CDCP2: variants seen among roughly 807,000 people sequenced by gnomAD.
The protein encoded by CDCP2 is CUB domain containing protein 2.
CDCP2 carries 31 observed loss-of-function variants against 31.0 expected under a neutral mutation model. The ratio of observed to expected loss-of-function variants is 1.00; its 90% CI spans 0.75 to 1.35. The LOEUF is 1.35. Among genes scored for constraint, CDCP2 ranks in the 40% most tolerant of loss-of-function variants. The pLI, the probability that CDCP2 is intolerant of heterozygous loss-of-function variation, is 0.00. For missense variants in CDCP2, 443 were observed against 482.6 expected (o/e 0.92, Z 0.77); for synonymous variants, 206 against 207.9 (o/e 0.99, Z 0.08).
At chr1:54,146,181 ATTT>A (rs11314265) in intron 1 of CDCP2, among the ~76,000 whole-genome samples, 18 of 145,298 alleles carry the variant, frequency 1.2e-4, no homozygotes, top group Non-Finnish European at 1.4e-4. Context: ...GGTAAGTATA[ATTT>A]TTTTTTTTTT....
At chr1:54,132,734 A>G, downstream of CDCP2, 1 of 386,148 alleles carries the variant, frequency 2.6e-6, no homozygotes, top group Non-Finnish European at 4.6e-6. Context: ...AATTGCATAT[A>G]CATACACAGC....
At chr1:54,141,944 C>T (rs677732) in intron 2 of CDCP2, 127,029 of 153,382 alleles carry the variant, frequency 0.83, 52,687 homozygotes, top group East Asian at 0.88. Flanking sequence ...GCGGCATTTA[C>T]ATGCCAACTC....
At chr1:54,132,988 C>T (rs141725205) in exon 6 of CDCP2, 66 of 399,010 alleles carry the variant, frequency 1.7e-4, no homozygotes, top group African/African-American at 1.1e-3. Flanking sequence ...ATCAAGACCA[C>T]GATGGCAATA....
At chr1:54,133,392 G>C (rs1056158784) in intron 5 of CDCP2, 98 bp from the exon 6 acceptor site, 1 of 397,862 alleles carries the variant, frequency 2.5e-6, no homozygotes, top group Non-Finnish European at 4.4e-6. Flanking sequence ...GGCAGAGCCC[G>C]AGGAGCCTGT....
intron 1 of CDCP2, among the ~76,000 whole-genome samples, chr1:54,145,575 T>G (rs909288666): frequency 1.3e-4 from 20 of 152,310 alleles, no homozygotes; most frequent in African/African-American, 4.8e-4. Flanking sequence ...GTAGGGAATT[T>G]AAGTTAATTA....
intron 2 of CDCP2, 76 bp from the exon 3 acceptor site, chr1:54,141,509 T>C: frequency 7.9e-7 from 1 of 1,260,286 alleles, no homozygotes; most frequent in Non-Finnish European, 1.1e-6. Context: ...AACAAGACAC[T>C]CCAACATGCT....
chr1:54,148,755 G>A (rs1659519096), intron 1 of CDCP2, among the ~76,000 whole-genome samples: 1 of 150,886 alleles, frequency 6.6e-6, no homozygotes, highest in Non-Finnish European at 1.5e-5. Context: ...TCAAGGCCGG[G>A]TGCCATGGCT....
intron 5 of CDCP2, among the ~76,000 whole-genome samples, chr1:54,133,724 A>C (rs529555589): frequency 3.3e-5 from 5 of 152,026 alleles, no homozygotes; most frequent in Non-Finnish European, 5.9e-5. Context: ...ATGAAACCCC[A>C]TCTCTACTAA....
intron 3 of CDCP2, 44 bp downstream of exon 3, chr1:54,141,054 A>C: frequency 6.8e-7 from 1 of 1,478,268 alleles, no homozygotes; most frequent in Non-Finnish European, 9.1e-7. Context: ...ACAGGAGCCC[A>C]GTAGGCACAG....
At chr1:54,140,365 G>T in intron 3 of CDCP2, 1 of 546,182 alleles carries the variant, frequency 1.8e-6, no homozygotes, top group East Asian at 3.2e-5. Context: ...ACAGGTGTAG[G>T]CCCTGTTAGG....
At chr1:54,138,564 C>T (rs903541535) in intron 4 of CDCP2, 6 of 152,284 alleles carry the variant, frequency 3.9e-5, no homozygotes, top group East Asian at 1.9e-4. Flanking sequence ...GTCCTTGGAT[C>T]CAGGCATTGT....
rs112028456 is a variant in CDCP2 at position 54,140,086 on chromosome 1, T to C, written c.784A>G (p.Met262Val). 9.9e-6 allele frequency: 16 copies of C among 1,613,184 alleles called. No individual in the cohort carries two copies. In the East Asian group the frequency reaches 3.6e-4, roughly 36 times the overall value. ...CTGGAGAAGTTGCCCCGCATGGCCA[T>C]GTATACCTCCTGGCATTCTCCTGGA... Residue 262 changes from methionine to valine, a missense_variant, in exon 4 of 6, where the codon ATG becomes GTG. Met to Val is a conservative substitution (Grantham distance 21). Transcript: ENST00000530059.
chr1:54,139,348 T>A lies in CDCP2; in HGVS notation c.1117+405A>T, dbSNP rs574133640. On this transcript the variant is annotated intron_variant, in intron 4 of 5. Coordinates refer to ENST00000530059, the Ensembl canonical transcript of CDCP2. The stretch of plus-strand genomic sequence containing the variant: ...CATGTTTTCAATGAGTAGTTCTGAA[T>A]GATACAAGCAGGGCTGGTAGACATC... The A allele has an allele frequency of 1.1e-4, 65 of 609,216 alleles. No homozygotes were observed. In the East Asian group the frequency reaches 1.5e-3, roughly 14 times the overall value. 37.7% of individuals were successfully genotyped at this position (609,216 alleles called of 1,614,324 possible).
rs1291220567 is a variant in CDCP2 at position 54,145,286 on chromosome 1, CG to C, written c.80-474del. Among the ~76,000 whole-genome samples, 15 of 152,142 alleles carry C rather than the reference CG, an allele frequency of 9.9e-5. No individual in the cohort carries two copies. In the South Asian group the frequency reaches 3.1e-3, roughly 32 times the overall value. On this transcript the variant is annotated intron_variant, in intron 1 of 5. Transcript: ENST00000530059. ...ACTAAAAATACAAAAATTAGCCAGG[CG>C]TGGTGGTGCGCGCCTGTAGTCCCAG...
At chr1:54,140,916 G>C (rs570328435) in intron 3 of CDCP2, 182 bp downstream of exon 3, 1 of 479,400 alleles carries the variant, frequency 2.1e-6, no homozygotes, top group Non-Finnish European at 3.7e-6. Flanking sequence ...GTAAGTCTTC[G>C]CAGAGGTGAC....
chr1:54,132,818 G>A (rs1020905645), downstream of CDCP2: 14 of 397,110 alleles, frequency 3.5e-5, no homozygotes, highest in African/African-American at 2.7e-4. Context: ...GAGATAGCAG[G>A]GCAGAATGAC....
intron 3 of CDCP2, 22 bp downstream of exon 3, chr1:54,141,076 G>T (rs1280058040): frequency 6.6e-7 from 1 of 1,509,752 alleles, no homozygotes; most frequent in East Asian, 2.3e-5. Flanking sequence ...AGGATTCAGG[G>T]TGGAGCGCCA....
intron 1 of CDCP2, among the ~76,000 whole-genome samples, chr1:54,146,082 T>C (rs1296181778): frequency 6.6e-6 from 1 of 152,140 alleles, no homozygotes; most frequent in African/African-American, 2.4e-5. Flanking sequence ...AGTAATAATA[T>C]TCAATATCAT....
intron 4 of CDCP2, among the ~76,000 whole-genome samples, chr1:54,137,571 T>A (rs1659277995): frequency 6.6e-6 from 1 of 152,060 alleles, no homozygotes; most frequent in Non-Finnish European, 1.5e-5. Context: ...GATTTCAGAG[T>A]TCGTGGTCTG....
Sources: allele counts gnomAD v4.1 joint callset (sites outside exome capture counted in the v4.1 genomes callset), GRCh38; gene constraint gnomAD v4.1.1; transcripts MANE v1.5; gene names NCBI Gene and HGNC (gene_info 2026-07-23, HGNC 2026-07-21).